PHF24: variants seen among roughly 807,000 people sequenced by gnomAD.
PHF24 encodes Galpha inhibitory interacting protein.
In PHF24, 25 loss-of-function variants were observed where a neutral mutation model predicts 42.6. That is an observed-to-expected ratio of 0.59 (90% CI 0.43 to 0.82). The LOEUF is 0.82. Ranked by LOEUF, PHF24 falls within the 40% of genes least tolerant of loss-of-function variation. The pLI is 0.00. For missense variants in PHF24, 470 were observed against 538.1 expected (o/e 0.87, Z 1.25); for synonymous variants, 185 against 204.8 (o/e 0.90, Z 0.83).
At chr9:34,957,922 T>A, upstream of PHF24, among the ~76,000 whole-genome samples, 1 of 151,484 alleles carries the variant, frequency 6.6e-6, no homozygotes, top group Non-Finnish European at 1.5e-5. Flanking sequence ...GCGGGCACTG[T>A]CCTTGCCGCA....
the PHF24 span, among the ~76,000 whole-genome samples, chr9:34,951,029 A>G: frequency 1.3e-5 from 2 of 152,254 alleles, no homozygotes; most frequent in Admixed American, 1.3e-4. Flanking sequence ...TATTAAAGGG[A>G]TAATGAGGAA....
At chr9:34,880,542 G>A in the PHF24 span, among the ~76,000 whole-genome samples, 58 of 152,192 alleles carry the variant, frequency 3.8e-4, 1 homozygote, top group East Asian at 0.01. Flanking sequence ...ACAAAAAAAA[G>A]CAGGGGTTGC....
the PHF24 span, among the ~76,000 whole-genome samples, chr9:34,946,258 G>T: frequency 1.3e-5 from 2 of 152,196 alleles, no homozygotes; most frequent in African/African-American, 2.4e-5. Context: ...TTAATGGTAG[G>T]TGGTTCCTAA....
At chr9:34,666,295 G>C in the PHF24 span, among the ~76,000 whole-genome samples, 1 of 152,026 alleles carries the variant, frequency 6.6e-6, no homozygotes, top group South Asian at 2.1e-4. Flanking sequence ...AAGAGAGTTG[G>C]GACTAAGTCC....
chr9:34,797,144 C>T, the PHF24 span, among the ~76,000 whole-genome samples: 1 of 152,150 alleles, frequency 6.6e-6, no homozygotes, highest in African/African-American at 2.4e-5. Flanking sequence ...TTGCTTCTTC[C>T]GTGCCCAGCT....
At chr9:34,846,976 A>G in the PHF24 span, among the ~76,000 whole-genome samples, 1 of 152,190 alleles carries the variant, frequency 6.6e-6, no homozygotes, top group Non-Finnish European at 1.5e-5. Flanking sequence ...TTTTGGTACT[A>G]GTACCATGCT....
chr9:34,930,621 A>G, the PHF24 span, among the ~76,000 whole-genome samples: 69,698 of 152,056 alleles, frequency 0.46, 16,427 homozygotes, highest in Non-Finnish European at 0.51. Context: ...TAGCAATGGT[A>G]TGACAATTCT....
At chr9:34,678,445 C>A in the PHF24 span, among the ~76,000 whole-genome samples, 1 of 151,104 alleles carries the variant, frequency 6.6e-6, no homozygotes, top group Non-Finnish European at 1.5e-5. Flanking sequence ...AGCGATTCTC[C>A]TGCCTCAGCC....
At chr9:34,816,615 A>G in the PHF24 span, among the ~76,000 whole-genome samples, 1 of 152,174 alleles carries the variant, frequency 6.6e-6, no homozygotes, top group African/African-American at 2.4e-5. Flanking sequence ...GGGGTGAGGC[A>G]GTTCTCTGGG....
At chr9:34,753,575 A>C in the PHF24 span, among the ~76,000 whole-genome samples, 118,730 of 152,058 alleles carry the variant, frequency 0.78, 47,015 homozygotes, top group East Asian at 0.95. Context: ...CCAAAGCAAT[A>C]TACAGAATCA....
chr9:34,790,949 G>C, the PHF24 span, among the ~76,000 whole-genome samples: 2 of 152,346 alleles, frequency 1.3e-5, no homozygotes, highest in Admixed American at 6.5e-5. Flanking sequence ...AAAGGAGAAA[G>C]CTGTAGGAGA....
the PHF24 span, among the ~76,000 whole-genome samples, chr9:34,767,592 C>T: frequency 2.7e-3 from 405 of 152,354 alleles, 2 homozygotes; most frequent in Non-Finnish European, 4.5e-3. Context: ...ACCCAATTTT[C>T]CAGGTGCCGT....
At chr9:34,918,265 C>T in the PHF24 span, 552 of 1,462,314 alleles carry the variant, frequency 3.8e-4, 3 homozygotes, top group East Asian at 8.4e-3. Context: ...CTCAATGAAA[C>T]TGGTGATGAG....
the PHF24 span, among the ~76,000 whole-genome samples, chr9:34,727,179 T>G: frequency 6.6e-6 from 1 of 152,186 alleles, no homozygotes; most frequent in Non-Finnish European, 1.5e-5. Flanking sequence ...GGGCTGATGG[T>G]CTGGAGCTTG....
the PHF24 span, among the ~76,000 whole-genome samples, chr9:34,786,910 A>G: frequency 3.0e-4 from 46 of 151,498 alleles, no homozygotes; most frequent in Admixed American, 2.8e-3. Flanking sequence ...ACGGTTTACC[A>G]TCTCTTGTTC....
the PHF24 span, among the ~76,000 whole-genome samples, chr9:34,691,458 A>G: frequency 2.6e-5 from 4 of 151,750 alleles, no homozygotes; most frequent in Admixed American, 2.6e-4. Context: ...TCCTGCTCTG[A>G]GAACTTAAGT....
chr9:34,785,473 A>G, the PHF24 span, among the ~76,000 whole-genome samples: 20 of 152,356 alleles, frequency 1.3e-4, no homozygotes, highest in Admixed American at 2.0e-4. Context: ...CTACCAAAGT[A>G]TTAATTTTTA....
chr9:34,937,032 CA>C, the PHF24 span, among the ~76,000 whole-genome samples: 1 of 138,730 alleles, frequency 7.2e-6, no homozygotes, highest in South Asian at 2.3e-4. Flanking sequence ...GTGGGGGGGT[CA>C]GCCCCCCCCC....
the PHF24 span, among the ~76,000 whole-genome samples, chr9:34,909,693 C>T: frequency 6.6e-6 from 1 of 151,306 alleles, no homozygotes; most frequent in Non-Finnish European, 1.5e-5. Flanking sequence ...GCGATCTCGG[C>T]TCACTGCAAG....
Sources: gnomAD v4.1 joint callset for allele counts (sites outside exome capture counted in the v4.1 genomes callset) on GRCh38, gnomAD v4.1.1 for gene constraint, MANE v1.5 for transcripts, NCBI Gene and HGNC (gene_info 2026-07-23, HGNC 2026-07-21) for gene names.